Variants in SETBP1 observed in about 807,000 individuals in gnomAD.
SETBP1 encodes SET binding protein 1.
A neutral mutation model predicts 101.0 loss-of-function variants in SETBP1; 9 were observed. The observed-to-expected ratio is 0.09, with a 90% confidence interval of 0.05 to 0.16. The LOEUF is 0.16. SETBP1 is among the 10% of genes least tolerant of loss of function. SETBP1 has a pLI of 1.00. For missense variants in SETBP1, 1,858 were observed against 2,033.8 expected (o/e 0.91, Z 1.66); for synonymous variants, 818 against 788.5 (o/e 1.04, Z -0.63).
intron 2 of SETBP1, among the ~76,000 whole-genome samples, chr18:44,756,432 C>T (rs188547259): frequency 9.2e-5 from 14 of 152,288 alleles, no homozygotes; most frequent in Admixed American, 9.1e-4. Context: ...TGGTTTCTCA[C>T]ACAGCCTTCT....
intron 1 of SETBP1, among the ~76,000 whole-genome samples, chr18:44,688,298 C>T (rs1355121178): frequency 6.6e-6 from 1 of 152,078 alleles, no homozygotes; most frequent in Non-Finnish European, 1.5e-5. Context: ...GAATTTGTGG[C>T]TTGGAGAAAG....
intron 2 of SETBP1, among the ~76,000 whole-genome samples, chr18:44,844,440 A>T (rs1342929629): frequency 2.0e-5 from 3 of 151,880 alleles, no homozygotes; most frequent in African/African-American, 7.3e-5. Flanking sequence ...TTACTGTCTT[A>T]TGCAGTGATG....
chr18:45,046,390 G>T (rs2073611852), intron 5 of SETBP1, among the ~76,000 whole-genome samples: 1 of 152,172 alleles, frequency 6.6e-6, no homozygotes, highest in South Asian at 2.1e-4. Context: ...AAGTTCACCA[G>T]ATGGAGCAAC....
intron 3 of SETBP1, among the ~76,000 whole-genome samples, chr18:44,933,393 G>T (rs1045753100): frequency 2.6e-5 from 4 of 152,226 alleles, no homozygotes; most frequent in Admixed American, 2.0e-4. Context: ...AGGCTACTCG[G>T]GGGTCAGGGA....
intron 4 of SETBP1, among the ~76,000 whole-genome samples, chr18:45,012,682 T>A (rs1568027478): frequency 6.6e-6 from 1 of 151,840 alleles, no homozygotes; most frequent in African/African-American, 2.4e-5. Context: ...TACTCAGCCA[T>A]AAAAAAAATA....
At chr18:45,006,266 A>G (rs752852402) in intron 4 of SETBP1, among the ~76,000 whole-genome samples, 20 of 152,030 alleles carry the variant, frequency 1.3e-4, no homozygotes, top group Non-Finnish European at 2.4e-4. Flanking sequence ...ATCTTTCTCA[A>G]CCAGCGTATT....
chr18:44,827,048 A>T (rs1225627786), intron 2 of SETBP1, among the ~76,000 whole-genome samples: 1 of 152,204 alleles, frequency 6.6e-6, no homozygotes, highest in African/African-American at 2.4e-5. Context: ...ATGCTTACTG[A>T]AGTACCTCAG....
intron 2 of SETBP1, among the ~76,000 whole-genome samples, chr18:44,744,208 G>A (rs1006720531): frequency 6.6e-6 from 1 of 152,250 alleles, no homozygotes; most frequent in Non-Finnish European, 1.5e-5. Flanking sequence ...CTGGGGACTG[G>A]AAGAGACCAG....
At chr18:45,013,767 C>T (rs942368471) in intron 4 of SETBP1, among the ~76,000 whole-genome samples, 2 of 152,276 alleles carry the variant, frequency 1.3e-5, no homozygotes, top group South Asian at 2.1e-4. Context: ...AGCCACTGAG[C>T]GGCTGTGCCC....
At chr18:44,727,452 C>G (rs2069738873) in intron 2 of SETBP1, among the ~76,000 whole-genome samples, 1 of 152,118 alleles carries the variant, frequency 6.6e-6, no homozygotes, top group Non-Finnish European at 1.5e-5. Flanking sequence ...TTCACGGCAG[C>G]CTTTTCAGTG....
At chr18:45,043,365 TCA>T (rs1491044215) in intron 5 of SETBP1, among the ~76,000 whole-genome samples, 1 of 144,222 alleles carries the variant, frequency 6.9e-6, no homozygotes, top group African/African-American at 2.7e-5. Flanking sequence ...TCTCTCTCTC[TCA>T]CACACTCACA....
intron 2 of SETBP1, among the ~76,000 whole-genome samples, chr18:44,716,500 T>C (rs1237588125): frequency 6.6e-6 from 1 of 152,196 alleles, no homozygotes; most frequent in East Asian, 1.9e-4. Flanking sequence ...CCAGGCTCTT[T>C]ATGTTTTCTT....
At chr18:44,785,360 G>T (rs1016013479) in intron 2 of SETBP1, among the ~76,000 whole-genome samples, 5 of 152,088 alleles carry the variant, frequency 3.3e-5, no homozygotes, top group Admixed American at 2.0e-4. Flanking sequence ...TTTCTAGATG[G>T]CCTACTTTCT....
chr18:44,813,793 C>T (rs1423286775), intron 2 of SETBP1, among the ~76,000 whole-genome samples: 4 of 152,292 alleles, frequency 2.6e-5, no homozygotes, highest in Middle Eastern at 6.8e-3. Flanking sequence ...TTGAGTCAGA[C>T]CCTCAGGTTC....
At position 44,952,154 on chromosome 18, in the gene SETBP1, C is replaced by T. The variant is rs764582025; in HGVS notation, c.2814C>T (p.His938=). Residue 938 remains histidine, a synonymous_variant, in exon 4 of 6, where the codon CAC becomes CAT. Coordinates refer to ENST00000649279, the MANE Select transcript of SETBP1 (RefSeq NM_015559.3). The part of the protein sequence containing the change: ...LAHESLKKPK[H]KRKRKSLQNR... Reference sequence around the variant, plus strand: ...ACGAAAGCCTCAAGAAGCCAAAGCACAAGAGGAAACGGAAAAGCCTGCAAA... The same window carrying T: ...ACGAAAGCCTCAAGAAGCCAAAGCATAAGAGGAAACGGAAAAGCCTGCAAA... 21 of 1,614,012 alleles carry T rather than the reference C, an allele frequency of 1.3e-5. No individual in the cohort carries two copies. The highest frequency in any genetic ancestry group is 2.2e-5 in the South Asian group (2 of 91,078).
intron 4 of SETBP1, among the ~76,000 whole-genome samples, chr18:44,977,637 T>C (rs894893539): frequency 2.0e-5 from 3 of 152,264 alleles, no homozygotes; most frequent in African/African-American, 2.4e-5. Context: ...GTGCTTCTTA[T>C]GTTTCCTTGG....
chr18:44,744,318 C>G (rs950276414), intron 2 of SETBP1, among the ~76,000 whole-genome samples: 1 of 152,224 alleles, frequency 6.6e-6, no homozygotes, highest in Non-Finnish European at 1.5e-5. Flanking sequence ...CTCCCCAGCT[C>G]CACCAGGCAA....
At chr18:44,848,759 G>C (rs644286) in intron 2 of SETBP1, among the ~76,000 whole-genome samples, 1 of 152,042 alleles carries the variant, frequency 6.6e-6, no homozygotes, top group Admixed American at 6.5e-5. Flanking sequence ...GAAGCCTCCC[G>C]ATGATTCCGG....
intron 2 of SETBP1, among the ~76,000 whole-genome samples, chr18:44,819,969 C>T (rs2072073856): frequency 6.6e-6 from 1 of 152,214 alleles, no homozygotes; most frequent in South Asian, 2.1e-4. Context: ...AAAAAAGTTG[C>T]CTTGCTGTAC....
Sources: gnomAD v4.1 joint callset for allele counts (sites outside exome capture counted in the v4.1 genomes callset) on GRCh38, gnomAD v4.1.1 for gene constraint, MANE v1.5 for transcripts, NCBI Gene and HGNC (gene_info 2026-07-23, HGNC 2026-07-21) for gene names.